The following MICU1 variants were observed in gnomAD, a reference collection of about 807,000 sequenced individuals.
MICU1 encodes mitochondrial calcium uptake 1.
MICU1 carries 45 observed loss-of-function variants against 56.8 expected under a neutral mutation model. The ratio of observed to expected loss-of-function variants is 0.79; its 90% CI spans 0.62 to 1.02. The LOEUF (loss-of-function observed/expected upper bound fraction) is 1.02. Ranked by LOEUF, MICU1 falls within the 50% of genes least tolerant of loss-of-function variation. MICU1 has a pLI of 0.00. For synonymous variants in MICU1, 186 were observed against 195.1 expected (o/e 0.95, Z 0.39); for missense variants, 504 against 587.1 (o/e 0.86, Z 1.46).
intron 5 of MICU1, among the ~76,000 whole-genome samples, chr10:72,525,181 G>GTTCA (rs199906657): frequency 6.6e-6 from 1 of 151,132 alleles, no homozygotes; most frequent in Non-Finnish European, 1.5e-5. Flanking sequence ...TCATCCTGAA[G>GTTCA]GCTGGCATTT....
chr10:72,492,587 ACT>A (rs1189772008), intron 6 of MICU1, among the ~76,000 whole-genome samples: 2 of 151,374 alleles, frequency 1.3e-5, no homozygotes, highest in East Asian at 3.9e-4. Flanking sequence ...ACATGGTGAA[ACT>A]CTGTCTCTAA....
intron 10 of MICU1, among the ~76,000 whole-genome samples, chr10:72,381,819 C>T (rs1246263563): frequency 6.6e-6 from 1 of 152,118 alleles, no homozygotes; most frequent in Non-Finnish European, 1.5e-5. Context: ...AGTATTGTAT[C>T]TGGGTTTATT....
chr10:72,370,765 T>G (rs1172615839), intron 11 of MICU1, among the ~76,000 whole-genome samples: 50 of 152,160 alleles, frequency 3.3e-4, no homozygotes, highest in Admixed American at 3.3e-3. Context: ...GCACAGTGAG[T>G]CACGCTTGTA....
In MICU1 at chr10:72,475,102, C is replaced by T; in HGVS notation, c.931G>A (p.Glu311Lys). ...TACTGAGTCTAAGGAAGACCTACCT[C>T]AAGCTTCAGAACATCATGCTGCAGT... ...RKLQHDVLKL[E>K]FERHDPVDGR... The change falls in exon 8 of 12, where the codon GAG becomes AAG. Residue 311 changes from glutamate to lysine, a missense_variant and splice_region_variant. Physicochemically the swap from Glu to Lys is moderately conservative, Grantham distance 56. Transcript: ENST00000361114. 1.9e-6 allele frequency: 3 copies of T among 1,607,188 alleles called. No individual in the cohort carries two copies.
chr10:72,428,333 G>A (rs1021281305), intron 8 of MICU1, among the ~76,000 whole-genome samples: 1 of 152,118 alleles, frequency 6.6e-6, no homozygotes, highest in Non-Finnish European at 1.5e-5. Context: ...TTTTATTTTT[G>A]AGATGGAGTT....
In MICU1 at chr10:72,453,002, T is replaced by G. The variant is rs541951533; in HGVS notation, c.933+22098A>C. Among the ~76,000 whole-genome samples the G allele has an allele frequency of 7.9e-5, 12 of 152,266 alleles. 1 individual carries two copies. In the South Asian group the frequency reaches 2.5e-3, roughly 32 times the overall value. The stretch of plus-strand genomic sequence containing the variant: ...GGATGTGTGTCCCATTATGCCAGTT[T>G]GAAATTAATTATGTTTCACGAGGCA... On this transcript the variant is annotated intron_variant, in intron 8 of 11. Transcript: ENST00000361114.
chr10:72,602,482 C>T (rs1185013313), intron 1 of MICU1, among the ~76,000 whole-genome samples: 1 of 151,824 alleles, frequency 6.6e-6, no homozygotes, highest in East Asian at 1.9e-4. Flanking sequence ...ACCGAATAAA[C>T]CTAAATGGCC....
chr10:72,554,812 C>T (rs574725962), intron 3 of MICU1, among the ~76,000 whole-genome samples: 2 of 152,192 alleles, frequency 1.3e-5, no homozygotes, highest in East Asian at 3.9e-4. Flanking sequence ...GTCAGGAGTT[C>T]GAGACCAGCC....
At chr10:72,579,373 C>T (rs1250505503) in intron 1 of MICU1, among the ~76,000 whole-genome samples, 1 of 152,054 alleles carries the variant, frequency 6.6e-6, no homozygotes, top group African/African-American at 2.4e-5. Flanking sequence ...GGTAAGGCAG[C>T]GCCCTTTGAC....
chr10:72,530,137 G>A (rs566343369), intron 5 of MICU1, among the ~76,000 whole-genome samples: 9 of 151,026 alleles, frequency 6.0e-5, no homozygotes, highest in African/African-American at 1.9e-4. Flanking sequence ...AGACCAGCCT[G>A]GCCAACATGG....
intron 1 of MICU1, among the ~76,000 whole-genome samples, chr10:72,615,942 T>C (rs1162102107): frequency 1.3e-5 from 2 of 152,132 alleles, no homozygotes; most frequent in African/African-American, 2.4e-5. Flanking sequence ...TGAGCCGAGA[T>C]TGTGCCACTG....
intron 10 of MICU1, among the ~76,000 whole-genome samples, chr10:72,398,551 CTA>C (rs1337062287): frequency 6.6e-6 from 1 of 151,002 alleles, no homozygotes; most frequent in Non-Finnish European, 1.5e-5. Context: ...GCTAGCAAGA[CTA>C]ATAAAGAAGA....
chr10:72,372,913 CAAAAAAA>C (rs773051618), intron 11 of MICU1, among the ~76,000 whole-genome samples: 5 of 48,496 alleles, frequency 1.0e-4, no homozygotes, highest in African/African-American at 1.6e-4. Flanking sequence ...GAGTGAGCCT[CAAAAAAA>C]AAAAAAAAAG....
At chr10:72,535,379 C>T (rs1232281534) in intron 4 of MICU1, among the ~76,000 whole-genome samples, 1 of 151,916 alleles carries the variant, frequency 6.6e-6, no homozygotes, top group Non-Finnish European at 1.5e-5. Flanking sequence ...GATAAGGTAA[C>T]CTCCCAAACT....
chr10:72,599,220 G>C (rs1341210157), intron 1 of MICU1, among the ~76,000 whole-genome samples: 1 of 152,100 alleles, frequency 6.6e-6, no homozygotes, highest in East Asian at 1.9e-4. Context: ...AACACCAAAA[G>C]AGAGAAGAGA....
At chr10:72,423,452 G>T in intron 8 of MICU1, 81 bp from the exon 9 acceptor site, 1 of 1,476,728 alleles carries the variant, frequency 6.8e-7, no homozygotes. Flanking sequence ...AGCTGTGTTT[G>T]ATGGCAGAAA....
chr10:72,381,121 A>G (rs1311444941), intron 10 of MICU1, among the ~76,000 whole-genome samples: 1 of 152,198 alleles, frequency 6.6e-6, no homozygotes, highest in Non-Finnish European at 1.5e-5. Flanking sequence ...ATACAGCTTT[A>G]GGCAGCATGA....
chr10:72,623,816 G>A (rs928286953), intron 1 of MICU1, among the ~76,000 whole-genome samples: 4 of 152,172 alleles, frequency 2.6e-5, no homozygotes, highest in Non-Finnish European at 2.9e-5. Flanking sequence ...TCCAGCCTGG[G>A]CAACAGAATG....
At chr10:72,616,490 G>A (rs1033995876) in intron 1 of MICU1, among the ~76,000 whole-genome samples, 1 of 151,764 alleles carries the variant, frequency 6.6e-6, no homozygotes, top group Non-Finnish European at 1.5e-5. Context: ...GGGAGGCTGA[G>A]GCAGGAGAAT....
Sources: gnomAD v4.1 joint callset for allele counts (sites outside exome capture counted in the v4.1 genomes callset) on GRCh38, gnomAD v4.1.1 for gene constraint, MANE v1.5 for transcripts, NCBI Gene and HGNC (gene_info 2026-07-23, HGNC 2026-07-21) for gene names.